Variants in ZNRF3 observed in about 807,000 individuals in gnomAD.
ZNRF3 encodes the protein zinc and ring finger 3, also known as E3 ubiquitin-protein ligase ZNRF3.
A neutral mutation model predicts 72.5 loss-of-function variants in ZNRF3; 23 were observed. The ratio of observed to expected loss-of-function variants is 0.32; its 90% CI spans 0.23 to 0.45. The LOEUF is 0.45. Ranked by LOEUF, ZNRF3 falls within the 20% of genes least tolerant of loss-of-function variation. The pLI, the probability that ZNRF3 is intolerant of heterozygous loss-of-function variation, is 1.00. For missense variants in ZNRF3, 1,169 were observed against 1,272.1 expected, an observed-to-expected ratio of 0.92 and a Z score of 1.23; for synonymous variants, 610 against 545.3, an observed-to-expected ratio of 1.12 and a Z score of -1.65.
chr22:28,978,099 T>C, intron 1 of ZNRF3, among the ~76,000 whole-genome samples: 1 of 152,232 alleles, frequency 6.6e-6, no homozygotes, highest in East Asian at 1.9e-4. Flanking sequence ...TTCATCTTCA[T>C]ATTTAAACAT....
intron 2 of ZNRF3, among the ~76,000 whole-genome samples, chr22:29,034,971 A>G (rs2036839522): frequency 6.6e-6 from 1 of 150,892 alleles, no homozygotes; most frequent in Admixed American, 6.6e-5. Context: ...ACTGTGAACC[A>G]TGCCCAGGGC....
At chr22:28,900,992 TCTTAG>T (rs1246780765) in intron 1 of ZNRF3, among the ~76,000 whole-genome samples, 1 of 151,992 alleles carries the variant, frequency 6.6e-6, no homozygotes, top group Non-Finnish European at 1.5e-5. Context: ...ACATCTGTAG[TCTTAG>T]CCACTTGGGA....
chr22:29,034,662 A>C (rs1225245717), intron 2 of ZNRF3, among the ~76,000 whole-genome samples: 1 of 152,228 alleles, frequency 6.6e-6, no homozygotes, highest in Non-Finnish European at 1.5e-5. Context: ...CCCTTAGTAG[A>C]TGCACTTTGG....
chr22:28,926,884 G>A (rs1338038290), intron 1 of ZNRF3, among the ~76,000 whole-genome samples: 1 of 151,680 alleles, frequency 6.6e-6, no homozygotes, highest in Non-Finnish European at 1.5e-5. Flanking sequence ...TACTTTGGGA[G>A]GCTGAGGCGG....
intron 2 of ZNRF3, among the ~76,000 whole-genome samples, chr22:29,009,453 C>A (rs75698199): frequency 6.6e-6 from 1 of 151,918 alleles, no homozygotes; most frequent in African/African-American, 2.4e-5. Flanking sequence ...AAAATAAATT[C>A]AAAAAAAGAG....
intron 2 of ZNRF3, among the ~76,000 whole-genome samples, chr22:29,005,709 C>G (rs2036229369): frequency 6.6e-6 from 1 of 152,104 alleles, no homozygotes; most frequent in African/African-American, 2.4e-5. Context: ...AATGAAGCCT[C>G]TCACATCTGA....
chr22:29,043,143 C>T (rs1374569157), intron 3 of ZNRF3, among the ~76,000 whole-genome samples, 156 bp from the exon 4 acceptor site: 2 of 152,102 alleles, frequency 1.3e-5, no homozygotes, highest in Admixed American at 6.5e-5. Context: ...GCGTCATTCT[C>T]AGCCTTGCTC....
intron 1 of ZNRF3, among the ~76,000 whole-genome samples, chr22:28,945,823 C>T (rs1017986511): frequency 3.3e-5 from 5 of 151,918 alleles, no homozygotes; most frequent in Non-Finnish European, 4.4e-5. Flanking sequence ...CCACTGTGCC[C>T]GGCCCCATCT....
At chr22:28,886,328 A>G (rs2033786350) in intron 1 of ZNRF3, among the ~76,000 whole-genome samples, 2 of 152,190 alleles carry the variant, frequency 1.3e-5, no homozygotes. Flanking sequence ...GGAATATAAC[A>G]TTTTCTTTTG....
chr22:28,999,012 A>C (rs988839453), intron 2 of ZNRF3, among the ~76,000 whole-genome samples: 1 of 152,080 alleles, frequency 6.6e-6, no homozygotes, highest in African/African-American at 2.4e-5. Context: ...GCCAGCTGAA[A>C]AGCCCATCAA....
chr22:29,053,566 C>T lies in ZNRF3; in HGVS notation c.2768-13C>T, dbSNP rs748717778. 4 of 1,609,690 alleles carry T rather than the reference C, an allele frequency of 2.5e-6. No homozygotes were observed. In the Admixed American group the frequency reaches 5.0e-5, roughly 20 times the overall value. Reference sequence around the variant, plus strand: ...AGCTCCCTCCCCTGATGATTGTTCTCTCTCTTTCCCAGGACCGAGATCTCA... The same window carrying T: ...AGCTCCCTCCCCTGATGATTGTTCTTTCTCTTTCCCAGGACCGAGATCTCA... On this transcript the variant is annotated splice_polypyrimidine_tract_variant and intron_variant, in intron 8 of 8. Transcript: ENST00000544604.
At chr22:28,894,622 T>C (rs1181410607) in intron 1 of ZNRF3, among the ~76,000 whole-genome samples, 1 of 152,168 alleles carries the variant, frequency 6.6e-6, no homozygotes, top group Non-Finnish European at 1.5e-5. Context: ...TTTCTGCCCT[T>C]CCTCTTTCCT....
At chr22:28,977,066 C>A (rs1373406844) in intron 1 of ZNRF3, among the ~76,000 whole-genome samples, 1 of 152,198 alleles carries the variant, frequency 6.6e-6, no homozygotes. Flanking sequence ...CAGGTCACTT[C>A]TCAGTTGTGC....
chr22:28,905,972 C>T (rs1461052252), intron 1 of ZNRF3, among the ~76,000 whole-genome samples: 1 of 152,104 alleles, frequency 6.6e-6, no homozygotes, highest in East Asian at 1.9e-4. Flanking sequence ...ATAGCCTCAC[C>T]ATGAGGTAAT....
intron 2 of ZNRF3, among the ~76,000 whole-genome samples, chr22:29,034,649 A>T (rs905400929): frequency 1.3e-5 from 2 of 152,256 alleles, no homozygotes; most frequent in African/African-American, 4.8e-5. Context: ...CAGGAAAATC[A>T]TTCCCTTAGT....
chr22:28,996,592 A>G (rs771428509), intron 2 of ZNRF3, among the ~76,000 whole-genome samples: 2 of 152,216 alleles, frequency 1.3e-5, no homozygotes, highest in Admixed American at 6.5e-5. Flanking sequence ...AAATCAGTGG[A>G]AATGAACAGA....
intron 1 of ZNRF3, among the ~76,000 whole-genome samples, chr22:28,912,374 TA>T (rs1404128980): frequency 4.6e-5 from 7 of 152,232 alleles, no homozygotes; most frequent in African/African-American, 1.7e-4. Context: ...TTGTGACCTT[TA>T]TTCCCTTCTG....
At chr22:29,024,863 A>G (rs2036599547) in intron 2 of ZNRF3, 1 of 151,940 alleles carries the variant, frequency 6.6e-6, no homozygotes, top group Admixed American at 6.6e-5. Context: ...CAGAAACTAA[A>G]CTGTGGGCAT....
At chr22:28,910,263 A>G (rs1243632097) in intron 1 of ZNRF3, among the ~76,000 whole-genome samples, 1 of 151,686 alleles carries the variant, frequency 6.6e-6, no homozygotes. Context: ...TTGGTCTCGA[A>G]CTCCTGACCT....
Sources: allele counts gnomAD v4.1 joint callset (sites outside exome capture counted in the v4.1 genomes callset), GRCh38; gene constraint gnomAD v4.1.1; transcripts MANE v1.5; gene names NCBI Gene and HGNC (gene_info 2026-07-23, HGNC 2026-07-21).